The following JAKMIP3 variants were observed in gnomAD, a reference collection of about 807,000 sequenced individuals.
JAKMIP3 encodes Janus kinase and microtubule interacting protein 3, also known as janus kinase and microtubule-interacting protein 3.
Under a neutral mutation model 118.5 loss-of-function variants are expected in JAKMIP3, and 58 were observed. The observed-to-expected ratio is 0.49, with a 90% confidence interval of 0.40 to 0.61. The LOEUF is 0.61. Among genes scored for constraint, JAKMIP3 ranks in the 20% least tolerant of loss-of-function variants. The probability of loss-of-function intolerance (pLI) is 0.00; values close to 1 mark genes in which losing one functional copy is unlikely to be tolerated. For missense variants in JAKMIP3, 950 were observed against 1,109.0 expected (o/e 0.86, Z 2.04); for synonymous variants, 486 against 451.2 (o/e 1.08, Z -0.98).
Position 132,041,570 on chromosome 10 carries a change from G to C in JAKMIP3, c.-138+4832G>C, listed in dbSNP as rs142016658. Among the ~76,000 whole-genome samples the C allele has an allele frequency of 3.3e-3, 509 of 152,372 alleles. 3 individuals carry two copies. Among genetic ancestry groups the C allele is most frequent in the African/African-American group, 0.012 (484 of 41,588 alleles). On this transcript the variant is annotated intron_variant, in intron 1 of 23. Transcript: ENST00000657785. Reference sequence around the variant, plus strand: ...CTGGTGTTGGGAGTATGGGAGACTTGGCTGGGGCTGGGCCAGCAAGGCCGA... The same window carrying C: ...CTGGTGTTGGGAGTATGGGAGACTTCGCTGGGGCTGGGCCAGCAAGGCCGA...
intron 14 of JAKMIP3, 27 bp from the exon 15 acceptor site, chr10:132,149,385 G>A: frequency 2.0e-6 from 3 of 1,472,722 alleles, no homozygotes; most frequent in South Asian, 2.4e-5. Flanking sequence ...GAGGGGAGCG[G>A]CTCACCCTTC....
At position 132,109,090 on chromosome 10, in the gene JAKMIP3, A is replaced by ATG. The variant is rs1304150602; in HGVS notation, c.135+4147_135+4148insTG. Among the ~76,000 whole-genome samples, 7 of 133,886 alleles carry ATG rather than the reference A, an allele frequency of 5.2e-5. 1 individual carries two copies. The highest frequency in any genetic ancestry group is 2.1e-4 in the African/African-American group (7 of 32,566). The allele number at this position is 133,886 out of a possible 152,430, so 87.8% of individuals were successfully genotyped here. On this transcript the variant is annotated intron_variant, in intron 2 of 23. Transcript: ENST00000684848. ...TACACACATACACATATATATACACACACATATATATATACACACACACAT... is the reference window on the plus strand; with the variant it reads ...TACACACATACACATATATATACACATGCACATATATATATACACACACACAT...
At position 132,140,517 on chromosome 10, in the gene JAKMIP3, G is replaced by T; in HGVS notation, c.1411G>T (p.Val471Phe). 1 of 1,613,690 alleles carries T rather than the reference G, an allele frequency of 6.2e-7. No individual in the cohort carries two copies. Among genetic ancestry groups the T allele is most frequent in the Non-Finnish European group, 8.5e-7 (1 of 1,179,786 alleles). The change falls in exon 10 of 24, where the codon GTC (valine) becomes TTC (phenylalanine). Residue 471 changes from valine (V) to phenylalanine (F), a missense_variant. Val to Phe is a conservative substitution (Grantham distance 50). Coordinates refer to ENST00000684848, the MANE Select transcript of JAKMIP3 (RefSeq NM_001323087.2). Reference sequence around the variant, plus strand: ...TTCCCTGGAATCCGACGGCTCCTCCGTCTCTTACCAAACAGACAGGACGGA... The same window carrying T: ...TTCCCTGGAATCCGACGGCTCCTCCTTCTCTTACCAAACAGACAGGACGGA... ...EASLESDGSS[V>F]SYQTDRTDQT...
In JAKMIP3 at chr10:132,182,830, C is replaced by T. The variant is rs1013531092; in HGVS notation, c.*1577C>T. ...CGGTGGCTGCGGACCAGGCATGGCTCCCTAGGTTGAAATCAGGGAAAAGCT... is the reference window on the plus strand; with the variant it reads ...CGGTGGCTGCGGACCAGGCATGGCTTCCTAGGTTGAAATCAGGGAAAAGCT... On this transcript the variant is annotated 3_prime_UTR_variant, in exon 24 of 24. Coordinates refer to ENST00000684848, the MANE Select transcript of JAKMIP3 (RefSeq NM_001323087.2). 1 of 152,142 alleles carries T rather than the reference C, an allele frequency of 6.6e-6. No individual in the cohort carries two copies. The highest frequency in any genetic ancestry group is 2.4e-5 in the African/African-American group (1 of 41,420). The allele number at this position is 152,142 out of a possible 1,614,324, so 9.4% of individuals were successfully genotyped here.
At chr10:132,174,318 G>A (rs1244387825) in intron 23 of JAKMIP3, among the ~76,000 whole-genome samples, 1 of 152,048 alleles carries the variant, frequency 6.6e-6, no homozygotes, top group Non-Finnish European at 1.5e-5. Flanking sequence ...GTGCAGCTTT[G>A]GGGATCTGGC....
chr10:132,112,135 G>A lies in JAKMIP3; in HGVS notation c.136-4942G>A, dbSNP rs1302951011. On this transcript the variant is annotated intron_variant, in intron 2 of 23. Coordinates refer to ENST00000684848, the MANE Select transcript of JAKMIP3 (RefSeq NM_001323087.2). The surrounding 1 kb of genome is among the most constrained non-coding windows in gnomAD (Gnocchi z 4.3). ...GCTGAGGTGGCATCTGGGCGAGGAT[G>A]ATGGGCACTGGGGGCCGGAGGACAT... is the stretch of plus-strand genomic sequence containing the variant. 2.0e-5 allele frequency among the ~76,000 whole-genome samples: 3 copies of A among 152,004 alleles called. No individual in the cohort carries two copies. The highest frequency in any genetic ancestry group is 4.4e-5 in the Non-Finnish European group (3 of 67,956).
chr10:132,129,771 G>A (rs981413605), intron 3 of JAKMIP3, among the ~76,000 whole-genome samples: 3 of 151,946 alleles, frequency 2.0e-5, no homozygotes, highest in Non-Finnish European at 2.9e-5. Context: ...CTGCCCCTGC[G>A]TTGTGTATCT....
chr10:132,075,820 AT>A (rs976658459), intron 1 of JAKMIP3, among the ~76,000 whole-genome samples: 2 of 151,636 alleles, frequency 1.3e-5, no homozygotes, highest in Non-Finnish European at 2.9e-5. Flanking sequence ...ATATACCCCC[AT>A]TTTTTGCTGT....
chr10:132,060,184 G>T (rs1362662225), upstream of JAKMIP3, among the ~76,000 whole-genome samples: 2 of 152,170 alleles, frequency 1.3e-5, no homozygotes, highest in African/African-American at 4.8e-5. Context: ...CTAACTCTGG[G>T]TAGGGGAATG....
At chr10:132,069,664 G>A (rs2039509204) in intron 1 of JAKMIP3, among the ~76,000 whole-genome samples, 1 of 152,176 alleles carries the variant, frequency 6.6e-6, no homozygotes, top group African/African-American at 2.4e-5. Flanking sequence ...GAGCGCAATT[G>A]GCAGGTGCAT....
intron 2 of JAKMIP3, among the ~76,000 whole-genome samples, chr10:132,114,815 G>A (rs773442155): frequency 6.6e-6 from 1 of 152,116 alleles, no homozygotes. Flanking sequence ...GGTCTTGGGC[G>A]TGTTTTCTAA....
intron 1 of JAKMIP3, among the ~76,000 whole-genome samples, chr10:132,088,867 C>A (rs1172708907): frequency 6.6e-6 from 1 of 152,156 alleles, no homozygotes; most frequent in African/African-American, 2.4e-5. Context: ...TTTAATCCAT[C>A]TTGAATTAAT....
At chr10:132,139,824 G>T (rs891417981) in intron 9 of JAKMIP3, among the ~76,000 whole-genome samples, 2 of 152,156 alleles carry the variant, frequency 1.3e-5, no homozygotes, top group Admixed American at 6.5e-5. Context: ...ACTGGGAGGA[G>T]ACCTGGAGGC....
At chr10:132,054,032 T>C (rs2038166317) in intron 1 of JAKMIP3, among the ~76,000 whole-genome samples, 1 of 87,806 alleles carries the variant, frequency 1.1e-5, no homozygotes. Flanking sequence ...AGAGTGAGAC[T>C]CTGTCTCAAA....
intron 1 of JAKMIP3, among the ~76,000 whole-genome samples, chr10:132,070,423 C>T (rs754429718): frequency 3.9e-5 from 6 of 152,190 alleles, no homozygotes; most frequent in African/African-American, 7.2e-5. Context: ...GCAGGGATTA[C>T]AGGCGTGAGC....
intron 1 of JAKMIP3, among the ~76,000 whole-genome samples, chr10:132,097,923 TCCTTCC>T (rs1369484252): frequency 1.2e-4 from 4 of 33,874 alleles, no homozygotes; most frequent in Admixed American, 2.9e-4. Flanking sequence ...CCTTCCCCTT[TCCTTCC>T]CCTTCCCCTT....
chr10:132,105,964 G>T (rs138052659), intron 2 of JAKMIP3, among the ~76,000 whole-genome samples: 1 of 144,854 alleles, frequency 6.9e-6, no homozygotes, highest in African/African-American at 2.5e-5. Context: ...ACCCTCCTGT[G>T]ATTTCACCTC....
At position 132,180,686 on chromosome 10, in the gene JAKMIP3, TGTGTGCGTGCGTGTGTGTGTGCGC is replaced by T. The variant is rs2061063289; in HGVS notation, c.*1104-1665_*1104-1642del. Among the ~76,000 whole-genome samples the T allele has an allele frequency of 4.3e-4, 9 of 20,964 alleles. 4 individuals are homozygous for T. The highest frequency in any genetic ancestry group is 8.0e-4 in the African/African-American group (5 of 6,216). 13.8% of individuals were successfully genotyped at this position (20,964 alleles called of 152,430 possible). A position where few individuals can be genotyped will look rare whatever the true frequency, so the allele number is the denominator to read the frequency against. ...GTGTGCGTGTGTGTGCGCGCGCGTGTGTGTGCGTGCGTGTGTGTGTGCGCGTGTGTGTGCGTGTGTGTGCGTGTG... is the reference window on the plus strand; with the variant it reads ...GTGTGCGTGTGTGTGCGCGCGCGTGTGTGTGTGTGCGTGTGTGTGCGTGTG... On this transcript the variant is annotated intron_variant, in intron 23 of 23. Transcript: ENST00000684848.
rs773930187 is a variant in JAKMIP3, at chr10:132,137,268, C to T, written c.1263C>T (p.Ala421=). The change falls in exon 8 of 24, where the codon GCC becomes GCT. Residue 421 remains alanine (A), a synonymous_variant. Transcript: ENST00000684848. ...IDELSKTLET[A]GYVKSVLERD... Reference sequence around the variant, plus strand: ...TCCTTTCCTAGACCCTTGAGACCGCCGGCTACGTGAAGAGCGTGTTAGTAA... The same window carrying T: ...TCCTTTCCTAGACCCTTGAGACCGCTGGCTACGTGAAGAGCGTGTTAGTAA... 8 of 1,613,896 alleles carry T rather than the reference C, an allele frequency of 5.0e-6. No individual in the cohort carries two copies. Among genetic ancestry groups the T allele is most frequent in the South Asian group, 4.4e-5 (4 of 91,080 alleles).
Sources: gnomAD v4.1 joint callset for allele counts (sites outside exome capture counted in the v4.1 genomes callset) on GRCh38, gnomAD v4.1.1 for gene constraint, Gnocchi (gnomAD v3.1) non-coding constraint, MANE v1.5 for transcripts, NCBI Gene and HGNC (gene_info 2026-07-23, HGNC 2026-07-21) for gene names.